The following MPI variants were observed in gnomAD, a reference collection of about 807,000 sequenced individuals.
MPI encodes the protein mannose-6-phosphate isomerase.
A neutral mutation model predicts 40.1 loss-of-function variants in MPI; 33 were observed. The ratio of observed to expected loss-of-function variants is 0.82; its 90% CI spans 0.62 to 1.10. MPI has a LOEUF of 1.10. Among genes scored for constraint, MPI ranks in the 50% least tolerant of loss-of-function variants. The pLI, the probability that MPI is intolerant of heterozygous loss-of-function variation, is 0.00. For synonymous variants in MPI, 187 were observed against 207.4 expected (o/e 0.90, Z 0.85); for missense variants, 514 against 524.1 (o/e 0.98, Z 0.19).
chr15:74,891,533 T>C lies in MPI; in HGVS notation c.299T>C (p.Val100Ala), dbSNP rs763691280. ...GGCAACCTGCCCTTCCTCTTCAAAG[T>C]GCTCTCAGTTGAAACACCCCTGTCC... Reference protein sequence around the residue: ...FNGNLPFLFKVLSVETPLSIQ... With the variant: ...FNGNLPFLFKALSVETPLSIQ... Residue 100 changes from valine (V) to alanine (A), a missense_variant, in exon 3 of 8, where the codon GTG (valine) becomes GCG (alanine). Val to Ala is a moderately conservative substitution (Grantham distance 64). Transcript: ENST00000352410. 19 of 1,614,088 alleles carry C rather than the reference T, an allele frequency of 1.2e-5. No individual in the cohort carries two copies. The highest frequency in any genetic ancestry group is 3.3e-5 in the South Asian group (3 of 91,092).
rs1403372710 is a variant in MPI at position 74,896,177 on chromosome 15, C to T, written c.696C>T (p.Asp232=). 3.7e-6 allele frequency: 6 copies of T among 1,614,048 alleles called. No individual in the cohort carries two copies. The highest frequency in any genetic ancestry group is 3.3e-5 in the Admixed American group (2 of 60,000). ...CGGCTGCCGGAAACAACATGGAGGA[C>T]ATCTTTGGGGAGCTTTTGCTACAGC... The part of the protein sequence containing the change: ...QQAAAGNNME[D]IFGELLLQLH... Residue 232 remains aspartate, a synonymous_variant, in exon 6 of 8, where the codon GAC becomes GAT. Coordinates refer to ENST00000352410, the MANE Select transcript of MPI (RefSeq NM_002435.3).
chr15:74,897,039 C>T lies in MPI; in HGVS notation c.873C>T (p.Asp291=), dbSNP rs1409882357. The T allele has an allele frequency of 1.2e-6, 2 of 1,614,074 alleles. No individual in the cohort carries two copies. Among genetic ancestry groups the T allele is most frequent in the East Asian group, 2.2e-5 (1 of 44,900 alleles). ...GCGTGGAGTGCATGGCGTGTTCAGA[C>T]AACACAGTTCGTGCTGGCCTGACAC... The part of the protein sequence containing the change: ...GDCVECMACS[D]NTVRAGLTPK... The change falls in exon 7 of 8, where the codon GAC becomes GAT. Residue 291 remains aspartate, a synonymous_variant. Coordinates refer to ENST00000352410, the MANE Select transcript of MPI (RefSeq NM_002435.3).
rs758171451 is a variant in MPI at position 74,897,682 on chromosome 15, T to C, written c.1224T>C (p.Leu408=). ...CCAATGAGAGTGTCTCACTGAAGCT[T>C]ACTGAGCCGAAGGACCTGCTGATAT... ...IGANESVSLK[L]TEPKDLLIFR... The change falls in exon 8 of 8, where the codon CTT becomes CTC. Residue 408 remains leucine (L), a synonymous_variant. Coordinates refer to ENST00000352410, the MANE Select transcript of MPI (RefSeq NM_002435.3). 6.2e-7 allele frequency: 1 copy of C among 1,614,000 alleles called. No individual in the cohort carries two copies. Among genetic ancestry groups the C allele is most frequent in the Non-Finnish European group, 8.5e-7 (1 of 1,180,024 alleles).
chr15:74,895,895 C>G, intron 5 of MPI: 1 of 528,494 alleles, frequency 1.9e-6, no homozygotes, highest in Non-Finnish European at 3.4e-6. Context: ...GGACCATACT[C>G]TAGCTCTTTT....
At position 74,898,975 on chromosome 15, in the gene MPI, G is replaced by A. The variant is rs1291496400; in HGVS notation, c.*1245G>A. On this transcript the variant is annotated 3_prime_UTR_variant, in exon 8 of 8. Coordinates refer to ENST00000352410, the MANE Select transcript of MPI (RefSeq NM_002435.3). ...GTGGCAAAGTTGAAGAGTTGCACTA[G>A]ACTGTACGGCCTGCAAAACTGAAAC... 6.6e-6 allele frequency: 1 copy of A among 152,360 alleles called. No individual in the cohort carries two copies. The highest frequency in any genetic ancestry group is 1.5e-5 in the Non-Finnish European group (1 of 68,138). The allele number at this position is 152,360 out of a possible 1,614,324, so 9.4% of individuals were successfully genotyped here. A position where few individuals can be genotyped will look rare whatever the true frequency, so the allele number is the denominator to read the frequency against.
At chr15:74,893,639 C>A in intron 5 of MPI, 1 of 594,102 alleles carries the variant, frequency 1.7e-6, no homozygotes, top group Non-Finnish European at 3.0e-6. Flanking sequence ...CATGGATGGA[C>A]TTGTATCTCG....
Position 74,895,561 on chromosome 15 carries a change from C to T in MPI, c.671-591C>T, listed in dbSNP as rs116670077. 7.1e-3 allele frequency: 1,121 copies of T among 158,092 alleles called. 13 individuals carry two copies. The highest frequency in any genetic ancestry group is 0.025 in the African/African-American group (1,045 of 41,384). 9.8% of individuals were successfully genotyped at this position (158,092 alleles called of 1,614,324 possible). A position where few individuals can be genotyped will look rare whatever the true frequency, so the allele number is the denominator to read the frequency against. Reference sequence around the variant, plus strand: ...TGAGGTATGATCGTGCCACTGCACTCCAGCCTGGGTGACAGCGAGACCCCG... The same window carrying T: ...TGAGGTATGATCGTGCCACTGCACTTCAGCCTGGGTGACAGCGAGACCCCG... On this transcript the variant is annotated intron_variant, in intron 5 of 7. Coordinates refer to ENST00000352410, the MANE Select transcript of MPI (RefSeq NM_002435.3).
chr15:74,901,020 G>A lies in MPI; in HGVS notation c.*3290G>A, dbSNP rs761870902. On this transcript the variant is annotated 3_prime_UTR_variant, in exon 8 of 8. Transcript: ENST00000352410. ...CATCTTCTAGTCACCCCTTGTGGTA[G>A]AGCGAAAAGAGTGTGTTGTCCCTCT... 2.0e-5 allele frequency: 3 copies of A among 152,252 alleles called. No homozygotes were observed. The highest frequency in any genetic ancestry group is 7.2e-5 in the African/African-American group (3 of 41,452). The allele number at this position is 152,252 out of a possible 1,614,324, so 9.4% of individuals were successfully genotyped here.
In MPI at chr15:74,897,727, G is replaced by C. The variant is rs371664469; in HGVS notation, c.1269G>C (p.Leu423=). ...TGATATTCCGTGCCTGCTGTCTGCT[G>C]TAAAGGCTGCAGCCTCCCCAGCTCT... ...DLLIFRACCL[L] The change falls in exon 8 of 8, where the codon CTG becomes CTC. Residue 423 remains leucine, a synonymous_variant. Transcript: ENST00000352410. 6.2e-7 allele frequency: 1 copy of C among 1,613,450 alleles called. No homozygotes were observed. Among genetic ancestry groups the C allele is most frequent in the Admixed American group, 1.7e-5 (1 of 59,998 alleles).
chr15:74,899,294 T>A lies in MPI; in HGVS notation c.*1564T>A, dbSNP rs949161661. 1 of 152,202 alleles carries A rather than the reference T, an allele frequency of 6.6e-6. No homozygotes were observed. The highest frequency in any genetic ancestry group is 1.5e-5 in the Non-Finnish European group (1 of 68,042). 9.4% of individuals were successfully genotyped at this position (152,202 alleles called of 1,614,324 possible). ...CTTCCTGTGGGATAAAGGTTTAAATTCATGCAAAAGAATCTTTCTGGGCTT... is the reference window on the plus strand; with the variant it reads ...CTTCCTGTGGGATAAAGGTTTAAATACATGCAAAAGAATCTTTCTGGGCTT... On this transcript the variant is annotated 3_prime_UTR_variant, in exon 8 of 8. Coordinates refer to ENST00000352410, the MANE Select transcript of MPI (RefSeq NM_002435.3).
At chr15:74,895,129 CTT>C (rs71140110) in intron 5 of MPI, among the ~76,000 whole-genome samples, 85 of 110,546 alleles carry the variant, frequency 7.7e-4, no homozygotes, top group African/African-American at 9.4e-4. Flanking sequence ...CCACACCTGG[CTT>C]TTTTTTTTTT....
chr15:74,892,039 G>A (rs902634621), intron 3 of MPI, among the ~76,000 whole-genome samples: 6 of 151,738 alleles, frequency 4.0e-5, no homozygotes, highest in African/African-American at 1.2e-4. Flanking sequence ...CTGTCGCCCA[G>A]GCTGGAGTGC....
At chr15:74,890,194 A>T (rs1338060252) in intron 1 of MPI, 105 bp downstream of exon 1, 1 of 1,506,734 alleles carries the variant, frequency 6.6e-7, no homozygotes, top group Non-Finnish European at 9.0e-7. Context: ...CATTCCGCGG[A>T]AAGATGGGTG....
Position 74,901,892 on chromosome 15 carries a change from C to CATGTCAGAGCAGTTTTTCTCTAACTA in MPI, c.*4163_*4188dup. On this transcript the variant is annotated 3_prime_UTR_variant, in exon 8 of 8. Transcript: ENST00000352410. ...GGAAATACAAATAAATAAATATGAA[C>CATGTCAGAGCAGTTTTTCTCTAACTA]ATGTCAGAGCAGTTTTTCTCTAACT... 7.7e-6 allele frequency: 3 copies of CATGTCAGAGCAGTTTTTCTCTAACTA among 388,174 alleles called. No homozygotes were observed. Among genetic ancestry groups the CATGTCAGAGCAGTTTTTCTCTAACTA allele is most frequent in the Non-Finnish European group, 1.4e-5 (3 of 220,098 alleles). 24.0% of individuals were successfully genotyped at this position (388,174 alleles called of 1,614,324 possible).
chr15:74,893,328 C>A lies in MPI; in HGVS notation c.670+8C>A, dbSNP rs1015183312. 1 of 1,614,052 alleles carries A rather than the reference C, an allele frequency of 6.2e-7. No individual in the cohort carries two copies. Among genetic ancestry groups the A allele is most frequent in the Non-Finnish European group, 8.5e-7 (1 of 1,179,906 alleles). The stretch of plus-strand genomic sequence containing the variant: ...AGCGGATCTCCCAGCAAGGTGGACA[C>A]AGTTATATTCCTGGTTGGGTGCAAT... On this transcript the variant is annotated splice_region_variant and intron_variant, in intron 5 of 7. Transcript: ENST00000352410.
chr15:74,891,670 C>G, intron 3 of MPI, 91 bp downstream of exon 3: 1 of 1,426,688 alleles, frequency 7.0e-7, no homozygotes, highest in Non-Finnish European at 9.9e-7. Context: ...TTACCCCACC[C>G]ATGCCAGGCT....
At position 74,892,646 on chromosome 15, in the gene MPI, C is replaced by T. The variant is rs2064743870; in HGVS notation, c.346-15C>T. 1.2e-6 allele frequency: 2 copies of T among 1,614,000 alleles called. No individual in the cohort carries two copies. The highest frequency in any genetic ancestry group is 2.2e-5 in the East Asian group (1 of 44,888). On this transcript the variant is annotated splice_polypyrimidine_tract_variant and intron_variant, in intron 3 of 7. Transcript: ENST00000352410. ...GTACCCTCACCATCCTCCTCTTCCCCTGGCCACCCCACAGGAGCTGGCAGA... is the reference window on the plus strand; with the variant it reads ...GTACCCTCACCATCCTCCTCTTCCCTTGGCCACCCCACAGGAGCTGGCAGA...
At chr15:74,894,077 T>TGTGTGTGTGTGTGTGTGTGTGTGTG in intron 5 of MPI, among the ~76,000 whole-genome samples, 1 of 61,350 alleles carries the variant, frequency 1.6e-5, no homozygotes, top group South Asian at 4.8e-4. Flanking sequence ...TGTGTGTGTG[T>TGTGTGTGTGTGTGTGTGTGTGTGTG]GTGTGTGTGT....
At chr15:74,890,428 C>T in intron 1 of MPI, 99 bp from the exon 2 acceptor site, 3 of 1,523,022 alleles carry the variant, frequency 2.0e-6, no homozygotes, top group Non-Finnish European at 2.7e-6. Flanking sequence ...TTATTTGACT[C>T]TGTCCCCAGT....
Sources: gnomAD v4.1 joint callset for allele counts (sites outside exome capture counted in the v4.1 genomes callset) on GRCh38, gnomAD v4.1.1 for gene constraint, MANE v1.5 for transcripts, NCBI Gene and HGNC (gene_info 2026-07-23, HGNC 2026-07-21) for gene names.